The following GPC6 variants were observed in gnomAD, a reference collection of about 807,000 sequenced individuals.
The protein encoded by GPC6 is glypican-6.
A neutral mutation model predicts 55.2 loss-of-function variants in GPC6; 14 were observed. The observed-to-expected ratio is 0.25, with a 90% confidence interval of 0.17 to 0.40. The LOEUF is 0.40. Ranked by LOEUF, GPC6 falls within the 10% of genes least tolerant of loss-of-function variation. GPC6 has a pLI of 1.00. For missense variants in GPC6, 641 were observed against 708.5 expected (o/e 0.90, Z 1.08); for synonymous variants, 278 against 259.6 (o/e 1.07, Z -0.68).
In GPC6 at chr13:93,227,298, C is replaced by CA; in HGVS notation, c.-158dup. 1.5e-6 allele frequency: 1 copy of CA among 679,916 alleles called. No homozygotes were observed. Among genetic ancestry groups the CA allele is most frequent in the Non-Finnish European group, 2.5e-6 (1 of 394,084 alleles). 42.1% of individuals were successfully genotyped at this position (679,916 alleles called of 1,614,324 possible). On this transcript the variant is annotated 5_prime_UTR_variant, in exon 1 of 9. Coordinates refer to ENST00000377047, the MANE Select transcript of GPC6 (RefSeq NM_005708.5). The surrounding 1 kb of genome is among the most constrained non-coding windows in gnomAD (Gnocchi z 4.3). ...TTATAAAAGTTTGCTGAGCGCAGTCCAGAGGGCTGCGCTGCTCGTCCCCTC... is the reference window on the plus strand; with the variant it reads ...TTATAAAAGTTTGCTGAGCGCAGTCCAAGAGGGCTGCGCTGCTCGTCCCCTC...
chr13:93,635,611 G>T (rs192709404), intron 2 of GPC6, among the ~76,000 whole-genome samples: 48 of 152,256 alleles, frequency 3.2e-4, no homozygotes, highest in Non-Finnish European at 6.0e-4. Flanking sequence ...TTCATTAAAG[G>T]CATACTCAGA....
intron 1 of GPC6, among the ~76,000 whole-genome samples, chr13:93,493,006 G>T (rs2139360123): frequency 1.1e-5 from 1 of 90,906 alleles, no homozygotes; most frequent in East Asian, 3.2e-4. Flanking sequence ...GTCTCTGCCT[G>T]GCTTTGGTAT....
rs115733123 is a variant in GPC6, at chr13:93,397,629, C to T, written c.161-147634C>T. Among the ~76,000 whole-genome samples, 565 of 152,222 alleles carry T rather than the reference C, an allele frequency of 3.7e-3. 4 individuals carry two copies. Among genetic ancestry groups the T allele is most frequent in the African/African-American group, 0.013 (524 of 41,532 alleles). ...TAGGGTCTTTTCTTCATAAAATGAGCACCCTTTATGTGCCAGGTACTGTGC... is the reference window on the plus strand; with the variant it reads ...TAGGGTCTTTTCTTCATAAAATGAGTACCCTTTATGTGCCAGGTACTGTGC... On this transcript the variant is annotated intron_variant, in intron 1 of 8. Coordinates refer to ENST00000377047, the MANE Select transcript of GPC6 (RefSeq NM_005708.5).
intron 4 of GPC6, among the ~76,000 whole-genome samples, chr13:94,189,026 G>A (rs1456008503): frequency 6.6e-6 from 1 of 152,036 alleles, no homozygotes; most frequent in Admixed American, 6.6e-5. Flanking sequence ...GTTGTTATAG[G>A]GATTCCTAAT....
At chr13:93,537,353 A>G (rs1882102644) in intron 1 of GPC6, among the ~76,000 whole-genome samples, 1 of 152,162 alleles carries the variant, frequency 6.6e-6, no homozygotes, top group Non-Finnish European at 1.5e-5. Flanking sequence ...AAATGGTGAA[A>G]ACTATCTTGC....
intron 4 of GPC6, among the ~76,000 whole-genome samples, chr13:94,042,586 C>T (rs537357438): frequency 6.6e-6 from 1 of 151,952 alleles, no homozygotes; most frequent in South Asian, 2.1e-4. Context: ...TATTGATAAA[C>T]ACTGATCAGT....
intron 2 of GPC6, among the ~76,000 whole-genome samples, chr13:93,736,828 A>G (rs974744796): frequency 6.6e-6 from 1 of 152,172 alleles, no homozygotes; most frequent in Non-Finnish European, 1.5e-5. Context: ...TGAAATTATG[A>G]CATTCACAAA....
At chr13:93,896,108 T>C (rs1415473595) in intron 3 of GPC6, among the ~76,000 whole-genome samples, 2 of 152,118 alleles carry the variant, frequency 1.3e-5, no homozygotes, top group Non-Finnish European at 2.9e-5. Context: ...ATTGCCCTGA[T>C]GTGATCATTA....
At chr13:94,373,395 G>A (rs894628070) in intron 6 of GPC6, among the ~76,000 whole-genome samples, 8 of 152,166 alleles carry the variant, frequency 5.3e-5, no homozygotes, top group African/African-American at 1.9e-4. Flanking sequence ...GAAAACCAAG[G>A]CTCGAGAACT....
chr13:93,428,146 G>C (rs10508000), intron 1 of GPC6, among the ~76,000 whole-genome samples: 36,683 of 151,356 alleles, frequency 0.24, 4,389 homozygotes, highest in Middle Eastern at 0.29. Flanking sequence ...TTTTTTATGT[G>C]AAGATTTTGT....
chr13:93,840,062 T>G (rs1256179707), intron 3 of GPC6, among the ~76,000 whole-genome samples: 5 of 152,182 alleles, frequency 3.3e-5, no homozygotes, highest in Admixed American at 3.3e-4. Context: ...TTCTTTGATA[T>G]CTGGTAGAAT....
intron 2 of GPC6, among the ~76,000 whole-genome samples, chr13:93,796,132 G>T (rs1395169737): frequency 1.3e-5 from 2 of 151,766 alleles, no homozygotes; most frequent in Non-Finnish European, 2.9e-5. Flanking sequence ...GGAGGTCAAG[G>T]TTGCAGTATG....
intron 2 of GPC6, among the ~76,000 whole-genome samples, chr13:93,596,588 G>GAAAT (rs1309800325): frequency 1.3e-4 from 18 of 139,864 alleles, no homozygotes; most frequent in Middle Eastern, 3.7e-3. Context: ...AAAAGGATGT[G>GAAAT]AAATAAATAA....
chr13:93,694,175 G>C (rs375825969), intron 2 of GPC6, among the ~76,000 whole-genome samples: 1 of 152,040 alleles, frequency 6.6e-6, no homozygotes, highest in East Asian at 1.9e-4. Context: ...AACATTCCCT[G>C]TTAAGAACTC....
At chr13:94,039,551 C>T (rs1191802868) in intron 4 of GPC6, among the ~76,000 whole-genome samples, 2 of 151,844 alleles carry the variant, frequency 1.3e-5, no homozygotes, top group Non-Finnish European at 2.9e-5. Context: ...GAAGCTAGTT[C>T]GGGGAATGGC....
At chr13:94,354,507 T>C in intron 6 of GPC6, among the ~76,000 whole-genome samples, 1 of 152,190 alleles carries the variant, frequency 6.6e-6, no homozygotes, top group East Asian at 1.9e-4. Flanking sequence ...AATTTCACTT[T>C]CAGGAGTGCC....
intron 4 of GPC6, among the ~76,000 whole-genome samples, chr13:94,144,304 A>G (rs1887483625): frequency 6.6e-6 from 1 of 151,822 alleles, no homozygotes; most frequent in Non-Finnish European, 1.5e-5. Flanking sequence ...CATGACCCCA[A>G]AATATACGCA....
intron 2 of GPC6, among the ~76,000 whole-genome samples, chr13:93,666,372 A>G (rs555805524): frequency 1.3e-5 from 2 of 152,240 alleles, no homozygotes; most frequent in African/African-American, 4.8e-5. Context: ...ATGAATTCCA[A>G]CTGAAAAAGG....
chr13:93,486,114 T>C lies in GPC6; in HGVS notation c.161-59149T>C, dbSNP rs151332963. Reference sequence around the variant, plus strand: ...AAAGAGAATTTCAAAAATAAAGATATCCCTCAGTGTAGTAGAGACAAGTGG... The same window carrying C: ...AAAGAGAATTTCAAAAATAAAGATACCCCTCAGTGTAGTAGAGACAAGTGG... On this transcript the variant is annotated intron_variant, in intron 1 of 8. Transcript: ENST00000377047. Among the ~76,000 whole-genome samples, 342 of 152,204 alleles carry C rather than the reference T, an allele frequency of 2.2e-3. 2 individuals are homozygous for C. Among genetic ancestry groups the C allele is most frequent in the Middle Eastern group, 0.014 (4 of 294 alleles).
Sources: allele counts gnomAD v4.1 joint callset (sites outside exome capture counted in the v4.1 genomes callset), GRCh38; gene constraint gnomAD v4.1.1; non-coding constraint Gnocchi (gnomAD v3.1); transcripts MANE v1.5; gene names NCBI Gene and HGNC (gene_info 2026-07-23, HGNC 2026-07-21).